The following CACNA1E variants were observed in gnomAD, a reference collection of about 807,000 sequenced individuals.
CACNA1E encodes voltage-dependent R-type calcium channel subunit alpha-1E.
A neutral mutation model predicts 259.2 loss-of-function variants in CACNA1E; 40 were observed. That is an observed-to-expected ratio of 0.15 (90% CI 0.12 to 0.20). The LOEUF is 0.20. Among genes scored for constraint, CACNA1E ranks in the 10% least tolerant of loss-of-function variants. The pLI is 1.00. For synonymous variants in CACNA1E, 1,104 were observed against 1,138.5 expected (o/e 0.97, Z 0.61); for missense variants, 1,874 against 3,040.1 (o/e 0.62, Z 9.02).
At position 181,396,036 on chromosome 1, in the gene CACNA1E, G is replaced by A. The variant is rs149026214; in HGVS notation, c.-14-17097G>A. On this transcript the variant is annotated intron_variant, in intron 1 of 11. Transcript: ENST00000524607. ...GCGGGTTGAAATTAAGTTGTTAGCT[G>A]TGGCCGCAGTCATCTCTAGGGTCAA... Among the ~76,000 whole-genome samples, 31 of 152,326 alleles carry A rather than the reference G, an allele frequency of 2.0e-4. No homozygotes were observed. The East Asian group carries it at 5.2e-3, about 26-fold the overall frequency.
At chr1:181,502,531 G>T (rs1665339818) in intron 1 of CACNA1E, among the ~76,000 whole-genome samples, 1 of 152,168 alleles carries the variant, frequency 6.6e-6, no homozygotes, top group Non-Finnish European at 1.5e-5. Context: ...TCTCACCTGG[G>T]CAGGGTGGAG....
intron 2 of CACNA1E, among the ~76,000 whole-genome samples, chr1:181,464,234 T>C (rs1462065920): frequency 2.6e-5 from 4 of 152,158 alleles, no homozygotes; most frequent in African/African-American, 9.6e-5. Context: ...ATTTTTAGGA[T>C]CACCTTGTCA....
At position 181,726,170 on chromosome 1, in the gene CACNA1E, A is replaced by AGACATCGG. The variant is rs1654890409; in HGVS notation, c.2240+9_2240+10insACATCGGG. On this transcript the variant is annotated intron_variant, in intron 18 of 47. Coordinates refer to ENST00000367573, the MANE Select transcript of CACNA1E (RefSeq NM_001205293.3). ...CAACATGCCTTCGATCGAGTGAGTC[A>AGACATCGG]GCTGCCCCCTTCACTGATCCCTGAG... 6.2e-7 allele frequency: 1 copy of AGACATCGG among 1,602,068 alleles called. No individual in the cohort carries two copies. Among genetic ancestry groups the AGACATCGG allele is most frequent in the Non-Finnish European group, 8.5e-7 (1 of 1,171,712 alleles).
chr1:181,419,980 G>T (rs1203569822), intron 2 of CACNA1E, among the ~76,000 whole-genome samples: 1 of 152,010 alleles, frequency 6.6e-6, no homozygotes, highest in African/African-American at 2.4e-5. Context: ...GATCCCTTTG[G>T]CTCTAGGACA....
intron 3 of CACNA1E, among the ~76,000 whole-genome samples, chr1:181,566,651 G>A (rs549703386): frequency 5.3e-5 from 8 of 152,294 alleles, no homozygotes; most frequent in African/African-American, 1.9e-4. Flanking sequence ...ACACGTTCAG[G>A]CCAAGCTTCA....
rs541417468 is a variant in CACNA1E at position 181,416,268 on chromosome 1, C to T, written c.434+2688C>T. On this transcript the variant is annotated intron_variant, in intron 2 of 11. Coordinates refer to the CACNA1E transcript ENST00000524607. Reference sequence around the variant, plus strand: ...TAGGCCAGGCCATCTTGGTTCCAACCGATGTCAGCCAGTTTTTTCTTGATC... The same window carrying T: ...TAGGCCAGGCCATCTTGGTTCCAACTGATGTCAGCCAGTTTTTTCTTGATC... 1.1e-4 allele frequency among the ~76,000 whole-genome samples: 16 copies of T among 152,306 alleles called. No individual in the cohort carries two copies. The South Asian group carries it at 2.1e-3, about 20-fold the overall frequency.
intron 1 of CACNA1E, among the ~76,000 whole-genome samples, chr1:181,491,861 C>A (rs1664344392): frequency 6.6e-6 from 1 of 152,164 alleles, no homozygotes; most frequent in Non-Finnish European, 1.5e-5. Flanking sequence ...ATGATTTATA[C>A]CCAAATTGGC....
rs555628859 is a variant in CACNA1E at position 181,555,384 on chromosome 1, A to G, written c.513-22382A>G. 5.3e-5 allele frequency among the ~76,000 whole-genome samples: 8 copies of G among 152,346 alleles called. No individual in the cohort carries two copies. In the South Asian group the frequency reaches 1.7e-3, roughly 32 times the overall value. ...GAATCTTTCCCACCTTCTCCTAATCAGCAGAAATCATTACAGGAACAAGAC... is the reference window on the plus strand; with the variant it reads ...GAATCTTTCCCACCTTCTCCTAATCGGCAGAAATCATTACAGGAACAAGAC... On this transcript the variant is annotated intron_variant, in intron 3 of 47. Transcript: ENST00000367573.
At position 181,674,015 on chromosome 1, in the gene CACNA1E, C is replaced by T. The variant is rs1218172042; in HGVS notation, c.1055+22574C>T. 2.0e-5 allele frequency among the ~76,000 whole-genome samples: 3 copies of T among 152,022 alleles called. No individual in the cohort carries two copies. In the East Asian group the frequency reaches 5.8e-4, roughly 29 times the overall value. ...CCTGTTAGGGCCAATTTAGGCAATACAAGAGTCTGGAGCTTTTATGACCTA... is the reference window on the plus strand; with the variant it reads ...CCTGTTAGGGCCAATTTAGGCAATATAAGAGTCTGGAGCTTTTATGACCTA... On this transcript the variant is annotated intron_variant, in intron 7 of 47. Transcript: ENST00000367573.
intron 6 of CACNA1E, among the ~76,000 whole-genome samples, chr1:181,631,686 C>A (rs1387349515): frequency 1.3e-5 from 2 of 152,122 alleles, no homozygotes; most frequent in African/African-American, 2.4e-5. Context: ...CCCTGGAGCA[C>A]CTGAGGGAGG....
At chr1:181,486,254 A>G (rs1386844037) in intron 1 of CACNA1E, among the ~76,000 whole-genome samples, 2 of 152,180 alleles carry the variant, frequency 1.3e-5, no homozygotes, top group African/African-American at 2.4e-5. Flanking sequence ...CCCTGTCCCA[A>G]TGGTCTCTTT....
chr1:181,654,184 C>A (rs947390861), intron 7 of CACNA1E, among the ~76,000 whole-genome samples: 18 of 149,112 alleles, frequency 1.2e-4, no homozygotes, highest in Non-Finnish European at 2.5e-4. Context: ...AGGTTAAGGG[C>A]TCTTGGAAAT....
chr1:181,495,906 T>C (rs1323850889), intron 1 of CACNA1E, among the ~76,000 whole-genome samples: 1 of 152,242 alleles, frequency 6.6e-6, no homozygotes, highest in East Asian at 1.9e-4. Flanking sequence ...CCATGAGTTA[T>C]TGCATTGATT....
chr1:181,694,417 A>T (rs1212293740), intron 7 of CACNA1E, among the ~76,000 whole-genome samples: 1 of 152,212 alleles, frequency 6.6e-6, no homozygotes, highest in Non-Finnish European at 1.5e-5. Context: ...TATAATCCCC[A>T]GTGCAACAGA....
At chr1:181,646,855 C>G (rs533854867) in intron 6 of CACNA1E, among the ~76,000 whole-genome samples, 1 of 152,230 alleles carries the variant, frequency 6.6e-6, no homozygotes, top group Non-Finnish European at 1.5e-5. Context: ...CTCACCACCC[C>G]CATCAGTCAG....
At chr1:181,530,223 G>A (rs1374033919) in intron 3 of CACNA1E, among the ~76,000 whole-genome samples, 1 of 152,166 alleles carries the variant, frequency 6.6e-6, no homozygotes, top group Admixed American at 6.5e-5. Context: ...GCCATGTTAA[G>A]AAGTGCCTTT....
chr1:181,680,439 G>A (rs1286668643), intron 7 of CACNA1E, among the ~76,000 whole-genome samples: 3 of 152,198 alleles, frequency 2.0e-5, no homozygotes, highest in Admixed American at 6.5e-5. Flanking sequence ...ATGGGCCTGA[G>A]TGAGTGAAAA....
chr1:181,370,651 A>G (rs1214155112), intron 1 of CACNA1E, among the ~76,000 whole-genome samples: 1 of 152,114 alleles, frequency 6.6e-6, no homozygotes, highest in Non-Finnish European at 1.5e-5. Context: ...TGGTGTATAC[A>G]TACCATATTT....
At chr1:181,366,178 A>C (rs1654252905) in intron 1 of CACNA1E, among the ~76,000 whole-genome samples, 1 of 152,042 alleles carries the variant, frequency 6.6e-6, no homozygotes, top group Admixed American at 6.6e-5. Context: ...TTCCTATCTG[A>C]CACCTTCCAT....
Sources: allele counts gnomAD v4.1 joint callset (sites outside exome capture counted in the v4.1 genomes callset), GRCh38; gene constraint gnomAD v4.1.1; transcripts MANE v1.5; gene names NCBI Gene and HGNC (gene_info 2026-07-23, HGNC 2026-07-21).